Variants in GALNT14 observed in about 807,000 individuals in gnomAD.
GALNT14 encodes polypeptide N-acetylgalactosaminyltransferase 14, also known as UDP-GalNAc:polypeptide N-acetylgalactosaminyltransferase 14.
In GALNT14, 60 loss-of-function variants were observed where a neutral mutation model predicts 77.5. The observed-to-expected ratio is 0.77, with a 90% confidence interval of 0.63 to 0.96. The LOEUF is 0.96. Among genes scored for constraint, GALNT14 ranks in the 40% least tolerant of loss-of-function variants. The pLI is 0.00. For synonymous variants in GALNT14, 280 were observed against 281.7 expected, an observed-to-expected ratio of 0.99 and a Z score of 0.06; for missense variants, 710 against 731.0, an observed-to-expected ratio of 0.97 and a Z score of 0.33.
chr2:30,920,832 C>A (rs1664988184), intron 13 of GALNT14, among the ~76,000 whole-genome samples: 1 of 152,164 alleles, frequency 6.6e-6, no homozygotes, highest in Non-Finnish European at 1.5e-5. Context: ...ACCTTGCATC[C>A]CAGCAGGAAT....
chr2:30,973,770 A>G (rs1414419626), intron 2 of GALNT14, among the ~76,000 whole-genome samples: 1 of 152,234 alleles, frequency 6.6e-6, no homozygotes, highest in Non-Finnish European at 1.5e-5. Context: ...TCGTTCATTC[A>G]CATAAACATA....
chr2:31,016,390 C>T (rs535383906), intron 1 of GALNT14, among the ~76,000 whole-genome samples: 1 of 152,128 alleles, frequency 6.6e-6, no homozygotes, highest in Admixed American at 6.5e-5. Context: ...AGAGCTCCAA[C>T]GTATGAATGG....
At chr2:30,982,481 A>G (rs2148380486) in intron 2 of GALNT14, among the ~76,000 whole-genome samples, 1 of 152,368 alleles carries the variant, frequency 6.6e-6, no homozygotes, top group Non-Finnish European at 1.5e-5. Context: ...CTACACAGCA[A>G]TGAGAATAAA....
intron 1 of GALNT14, among the ~76,000 whole-genome samples, chr2:31,076,334 G>A (rs1011879474): frequency 1.3e-5 from 2 of 152,130 alleles, no homozygotes; most frequent in African/African-American, 4.8e-5. Flanking sequence ...CCAAGAGGAC[G>A]TAGCTCCTAA....
chr2:30,914,950 T>C (rs927059597), intron 13 of GALNT14, among the ~76,000 whole-genome samples: 3 of 152,214 alleles, frequency 2.0e-5, no homozygotes, highest in African/African-American at 7.2e-5. Context: ...GGAAGCCATA[T>C]GCCCTGAGAT....
In GALNT14 at chr2:31,032,102, T is replaced by C. The variant is rs558010379; in HGVS notation, c.130-39095A>G. 2.8e-4 allele frequency among the ~76,000 whole-genome samples: 43 copies of C among 152,334 alleles called. 1 individual carries two copies. In the South Asian group the frequency reaches 8.1e-3, roughly 29 times the overall value. On this transcript the variant is annotated intron_variant, in intron 1 of 14. Coordinates refer to ENST00000349752, the MANE Select transcript of GALNT14 (RefSeq NM_024572.4). The stretch of plus-strand genomic sequence containing the variant: ...GGAATACCTAGGCAGCAGACTCTCA[T>C]GGATACAAAATGGGTCCTTGAGGCC...
intron 1 of GALNT14, among the ~76,000 whole-genome samples, chr2:31,035,512 G>A (rs903251751): frequency 1.3e-5 from 2 of 149,614 alleles, no homozygotes; most frequent in African/African-American, 4.9e-5. Context: ...CAAAGACATG[G>A]AATCAATCAA....
At chr2:30,935,165 T>C (rs1665975121) in intron 9 of GALNT14, among the ~76,000 whole-genome samples, 1 of 152,176 alleles carries the variant, frequency 6.6e-6, no homozygotes, top group African/African-American at 2.4e-5. Context: ...GTTCTTATTT[T>C]GCGATGCAGA....
rs1424159677 is a variant in GALNT14 at position 31,035,610 on chromosome 2, CACACACCT to C, written c.130-42611_130-42604del. Among the ~76,000 whole-genome samples the C allele has an allele frequency of 5.0e-3, 198 of 39,944 alleles. 3 individuals carry two copies. The highest frequency in any genetic ancestry group is 0.028 in the African/African-American group (186 of 6,710). The allele number at this position is 39,944 out of a possible 152,430, so 26.2% of individuals were successfully genotyped here. On this transcript the variant is annotated intron_variant, in intron 1 of 14. Transcript: ENST00000349752. ...GTATACATATACATATACACACACA[CACACACCT>C]ACACACACACACACACACACACACA...
At chr2:31,077,113 A>G (rs1675851601) in intron 1 of GALNT14, among the ~76,000 whole-genome samples, 1 of 152,196 alleles carries the variant, frequency 6.6e-6, no homozygotes, top group Non-Finnish European at 1.5e-5. Flanking sequence ...TATTACAAAC[A>G]TCACCCCATT....
At chr2:30,991,075 G>C (rs1192711470) in intron 2 of GALNT14, 1 of 150,390 alleles carries the variant, frequency 6.6e-6, no homozygotes, top group Non-Finnish European at 1.5e-5. Flanking sequence ...GCCTCTAAAT[G>C]GTAGAAGAAG....
At chr2:31,057,269 C>T (rs955143539) in intron 1 of GALNT14, among the ~76,000 whole-genome samples, 2 of 146,280 alleles carry the variant, frequency 1.4e-5, no homozygotes. Context: ...TGCACATGTG[C>T]CCTATGAATC....
chr2:30,951,681 C>T (rs1448329031), intron 6 of GALNT14, among the ~76,000 whole-genome samples: 1 of 152,226 alleles, frequency 6.6e-6, no homozygotes, highest in African/African-American at 2.4e-5. Context: ...CACACATACA[C>T]ACATGCACAC....
At chr2:30,994,020 A>C (rs543883458) in intron 1 of GALNT14, among the ~76,000 whole-genome samples, 18 of 152,244 alleles carry the variant, frequency 1.2e-4, no homozygotes, top group Non-Finnish European at 2.4e-4. Flanking sequence ...TTCCCAATGC[A>C]TGTTAGCACT....
chr2:31,036,654 G>GA, intron 1 of GALNT14, among the ~76,000 whole-genome samples: 1 of 152,234 alleles, frequency 6.6e-6, no homozygotes, highest in East Asian at 1.9e-4. Context: ...ACTGCAACCT[G>GA]AAAATCTCTC....
chr2:31,087,693 G>A (rs1355731570), intron 1 of GALNT14, among the ~76,000 whole-genome samples: 6 of 152,188 alleles, frequency 3.9e-5, no homozygotes, highest in South Asian at 2.1e-4. Flanking sequence ...GCAGCCAACC[G>A]TGTGGAATGC....
intron 1 of GALNT14, among the ~76,000 whole-genome samples, chr2:31,120,155 C>CAAAAAAAA (rs753835346): frequency 1.5e-5 from 1 of 66,786 alleles, no homozygotes; most frequent in Non-Finnish European, 3.1e-5. Flanking sequence ...GACTCCGTCT[C>CAAAAAAAA]AAAAAAAAAA....
chr2:31,101,911 T>C (rs1179201425), intron 1 of GALNT14, among the ~76,000 whole-genome samples: 5 of 152,090 alleles, frequency 3.3e-5, no homozygotes, highest in East Asian at 1.9e-4. Context: ...CCGATGGTTT[T>C]ATAAGGGGCT....
At chr2:31,127,081 A>C (rs1678739733) in intron 1 of GALNT14, among the ~76,000 whole-genome samples, 1 of 152,198 alleles carries the variant, frequency 6.6e-6, no homozygotes, top group Non-Finnish European at 1.5e-5. Flanking sequence ...CACAAAGAGA[A>C]AAGAACATGT....
Sources: allele counts gnomAD v4.1 joint callset (sites outside exome capture counted in the v4.1 genomes callset), GRCh38; gene constraint gnomAD v4.1.1; transcripts MANE v1.5; gene names NCBI Gene and HGNC (gene_info 2026-07-23, HGNC 2026-07-21).